FAF1: variants seen among roughly 807,000 people sequenced by gnomAD.
The protein encoded by FAF1 is Fas associated factor 1.
A neutral mutation model predicts 92.5 loss-of-function variants in FAF1; 25 were observed. The observed-to-expected ratio is 0.27, with a 90% confidence interval of 0.20 to 0.38. The LOEUF (loss-of-function observed/expected upper bound fraction) is 0.38. FAF1 is among the 10% of genes least tolerant of loss of function. The pLI is 1.00. For synonymous variants in FAF1, 234 were observed against 273.2 expected (o/e 0.86, Z 1.42); for missense variants, 636 against 793.3 (o/e 0.80, Z 2.38).
Position 50,819,730 on chromosome 1 carries a change from C to CGT in FAF1, c.115-18054_115-18053insAC, listed in dbSNP as rs1440286626. Among the ~76,000 whole-genome samples the CGT allele has an allele frequency of 6.8e-3, 245 of 35,884 alleles. 17 individuals carry two copies. The highest frequency in any genetic ancestry group is 0.024 in the African/African-American group (206 of 8,422). 23.5% of individuals were successfully genotyped at this position (35,884 alleles called of 152,430 possible). On this transcript the variant is annotated intron_variant, in intron 2 of 18. Transcript: ENST00000396153. The stretch of plus-strand genomic sequence containing the variant: ...ATATATATATACGTATATATATATA[C>CGT]ATATATATACATATATATATACATA...
chr1:50,876,558 C>T (rs1644573355), intron 1 of FAF1, among the ~76,000 whole-genome samples: 1 of 152,128 alleles, frequency 6.6e-6, no homozygotes, highest in African/African-American at 2.4e-5. Context: ...ACTGAACTCC[C>T]AATGGCCAAA....
intron 7 of FAF1, among the ~76,000 whole-genome samples, chr1:50,687,355 CAAAAAAA>C (rs78325708): frequency 1.2e-5 from 1 of 83,798 alleles, no homozygotes; most frequent in Non-Finnish European, 2.5e-5. Flanking sequence ...TTTTATCAAT[CAAAAAAA>C]AAAAAAAAAA....
At chr1:50,816,154 T>C (rs1172435959) in intron 2 of FAF1, among the ~76,000 whole-genome samples, 1 of 151,926 alleles carries the variant, frequency 6.6e-6, no homozygotes, top group East Asian at 1.9e-4. Flanking sequence ...ATACGTCTTA[T>C]TTTGAGAAGC....
intron 1 of FAF1, among the ~76,000 whole-genome samples, chr1:50,874,758 CTTTTTTTTTTT>C (rs755424291): frequency 0.01 from 691 of 67,296 alleles, 11 homozygotes; most frequent in Middle Eastern, 0.014. Flanking sequence ...TCTTTTCTTT[CTTTTTTTTTTT>C]TTTTTTTTTT....
intron 4 of FAF1, among the ~76,000 whole-genome samples, chr1:50,787,181 CT>C (rs1661392470): frequency 6.6e-6 from 1 of 152,182 alleles, no homozygotes. Context: ...CAGGCATATA[CT>C]TTCACCTCCT....
intron 2 of FAF1, among the ~76,000 whole-genome samples, chr1:50,833,617 C>G (rs1016989560): frequency 6.6e-6 from 1 of 152,106 alleles, no homozygotes; most frequent in Non-Finnish European, 1.5e-5. Context: ...TTGGGGAGGT[C>G]ATGCTGAAAG....
chr1:50,581,095 A>G (rs1415266765), intron 12 of FAF1, among the ~76,000 whole-genome samples: 1 of 152,212 alleles, frequency 6.6e-6, no homozygotes, highest in Non-Finnish European at 1.5e-5. Flanking sequence ...ATAAACCTAT[A>G]TTTATGAACA....
At chr1:50,727,329 G>C (rs1184166837) in intron 6 of FAF1, among the ~76,000 whole-genome samples, 1 of 152,184 alleles carries the variant, frequency 6.6e-6, no homozygotes, top group Non-Finnish European at 1.5e-5. Context: ...GACCTTATCT[G>C]TCTTGCTCAT....
At chr1:50,618,526 G>C (rs1434239279) in intron 8 of FAF1, among the ~76,000 whole-genome samples, 1 of 146,538 alleles carries the variant, frequency 6.8e-6, no homozygotes, top group Non-Finnish European at 1.5e-5. Context: ...GCCTCCCAAA[G>C]TGCTGGTATT....
chr1:50,597,909 G>A (rs965047127), intron 8 of FAF1, among the ~76,000 whole-genome samples: 2 of 152,148 alleles, frequency 1.3e-5, no homozygotes, highest in Admixed American at 6.5e-5. Context: ...AACAGGAGAC[G>A]GCTAAGTGTA....
At chr1:50,874,758 C>CTTTTTTTTTTTTTTTTTTTT (rs755424291) in intron 1 of FAF1, among the ~76,000 whole-genome samples, 8 of 67,254 alleles carry the variant, frequency 1.2e-4, no homozygotes, top group South Asian at 5.5e-4. Flanking sequence ...TCTTTTCTTT[C>CTTTTTTTTTTTTTTTTTTTT]TTTTTTTTTT....
intron 18 of FAF1, among the ~76,000 whole-genome samples, chr1:50,462,947 GC>G (rs1292798079): frequency 1.3e-5 from 2 of 152,186 alleles, no homozygotes; most frequent in African/African-American, 4.8e-5. Context: ...GGTTAACACA[GC>G]AGGACTGCTA....
At chr1:50,536,506 T>A (rs971955592) in intron 14 of FAF1, among the ~76,000 whole-genome samples, 11 of 152,204 alleles carry the variant, frequency 7.2e-5, no homozygotes, top group Non-Finnish European at 1.0e-4. Flanking sequence ...TTGACTAACA[T>A]GATCTTTCAG....
chr1:50,706,286 T>A (rs1479940293), intron 6 of FAF1, among the ~76,000 whole-genome samples: 3 of 151,914 alleles, frequency 2.0e-5, no homozygotes, highest in African/African-American at 7.2e-5. Context: ...TGTTCTAGAA[T>A]AACAGAAGTA....
chr1:50,830,410 C>T (rs1357637996), intron 2 of FAF1, among the ~76,000 whole-genome samples: 1 of 152,186 alleles, frequency 6.6e-6, no homozygotes, highest in Non-Finnish European at 1.5e-5. Flanking sequence ...GCGCCCAGCA[C>T]CACAGGGTAT....
chr1:50,832,695 C>A (rs1644165088), intron 2 of FAF1, among the ~76,000 whole-genome samples: 1 of 152,184 alleles, frequency 6.6e-6, no homozygotes. Flanking sequence ...AGGTTCTCCA[C>A]CTCTTTTCCC....
chr1:50,446,553 T>C (rs1241260711), intron 18 of FAF1, among the ~76,000 whole-genome samples: 1 of 152,172 alleles, frequency 6.6e-6, no homozygotes, highest in Non-Finnish European at 1.5e-5. Context: ...ACCTGTACTA[T>C]TAGGCTGGGA....
At chr1:50,689,730 A>G (rs1656832441) in intron 7 of FAF1, among the ~76,000 whole-genome samples, 1 of 152,270 alleles carries the variant, frequency 6.6e-6, no homozygotes, top group Admixed American at 6.5e-5. Flanking sequence ...TGGTATGCCC[A>G]CACAATGGAA....
In FAF1 at chr1:50,576,633, G is replaced by GCC. The variant is rs59182122; in HGVS notation, c.1113+5983_1113+5984dup. Among the ~76,000 whole-genome samples the GCC allele has an allele frequency of 1.3e-4, 17 of 131,932 alleles. No homozygotes were observed. The East Asian group carries it at 1.5e-3, about 12-fold the overall frequency. The allele number at this position is 131,932 out of a possible 152,430, so 86.6% of individuals were successfully genotyped here. On this transcript the variant is annotated intron_variant, in intron 12 of 18. Transcript: ENST00000396153. ...GAAAAAAAAGACTCATCTCCGCACC[G>GCC]CCCCCCCCCCGCCACCACCCCTGCA...
Sources: gnomAD v4.1 joint callset for allele counts (sites outside exome capture counted in the v4.1 genomes callset) on GRCh38, gnomAD v4.1.1 for gene constraint, MANE v1.5 for transcripts, NCBI Gene and HGNC (gene_info 2026-07-23, HGNC 2026-07-21) for gene names.